Variants in BARD1 observed in about 807,000 individuals in gnomAD.
BARD1 encodes BRCA1 associated RING domain 1, also known as BRCA1-associated RING domain protein 1.
Under a neutral mutation model 77.0 loss-of-function variants are expected in BARD1, and 73 were observed. That is an observed-to-expected ratio of 0.95 (90% CI 0.79 to 1.15). The LOEUF (loss-of-function observed/expected upper bound fraction) is 1.15. Ranked by LOEUF, BARD1 falls within the 50% of genes most tolerant of loss-of-function variation. BARD1 has a pLI of 0.00. For synonymous variants in BARD1, 384 were observed against 338.0 expected (o/e 1.14, Z -1.49); for missense variants, 993 against 938.8 (o/e 1.06, Z -0.75).
At chr2:214,808,815 A>T (rs1424623637) in intron 1 of BARD1, among the ~76,000 whole-genome samples, 5 of 152,270 alleles carry the variant, frequency 3.3e-5, no homozygotes, top group Non-Finnish European at 7.3e-5. Context: ...CGGGGACACC[A>T]GACATACAGT....
chr2:214,769,912 T>A (rs1467802982), intron 4 of BARD1, among the ~76,000 whole-genome samples: 1 of 152,186 alleles, frequency 6.6e-6, no homozygotes, highest in Non-Finnish European at 1.5e-5. Flanking sequence ...ACAATGAAGT[T>A]TTAAAAGCCA....
At chr2:214,786,056 A>G (rs1695261872) in intron 3 of BARD1, among the ~76,000 whole-genome samples, 1 of 151,966 alleles carries the variant, frequency 6.6e-6, no homozygotes, top group South Asian at 2.1e-4. Context: ...GAACCAAAGA[A>G]AACTTTTAAT....
chr2:214,771,691 G>A (rs13416905), intron 4 of BARD1, among the ~76,000 whole-genome samples: 21,054 of 151,016 alleles, frequency 0.14, 1,561 homozygotes, highest in African/African-American at 0.19. Flanking sequence ...TCACACCACT[G>A]CACTCCAGCC....
intron 4 of BARD1, among the ~76,000 whole-genome samples, chr2:214,773,473 C>T (rs1162024221): frequency 6.6e-6 from 1 of 152,142 alleles, no homozygotes. Flanking sequence ...GAATAAAATA[C>T]AGGCATATCT....
chr2:214,771,188 A>G (rs1694467442), intron 4 of BARD1, among the ~76,000 whole-genome samples: 1 of 152,164 alleles, frequency 6.6e-6, no homozygotes, highest in African/African-American at 2.4e-5. Context: ...ACCTAAGTCC[A>G]TGACGATAAA....
chr2:214,793,739 T>C (rs988460534), intron 2 of BARD1, among the ~76,000 whole-genome samples: 2 of 152,156 alleles, frequency 1.3e-5, no homozygotes, highest in African/African-American at 4.8e-5. Flanking sequence ...CAAATTATTT[T>C]ATATACATTA....
intron 9 of BARD1, among the ~76,000 whole-genome samples, chr2:214,736,375 C>T (rs1692565622): frequency 6.6e-6 from 1 of 151,728 alleles, no homozygotes; most frequent in Non-Finnish European, 1.5e-5. Context: ...TTTTATTTTC[C>T]TCATTACGTA....
chr2:214,805,725 G>A (rs776095293), intron 1 of BARD1, among the ~76,000 whole-genome samples: 1 of 151,136 alleles, frequency 6.6e-6, no homozygotes, highest in Non-Finnish European at 1.5e-5. Context: ...AAGTATGAGA[G>A]AATACAAAAT....
At chr2:214,751,117 G>GTGTATATA (rs1486423673) in intron 7 of BARD1, among the ~76,000 whole-genome samples, 17 of 16,274 alleles carry the variant, frequency 1.0e-3, no homozygotes, top group Non-Finnish European at 2.1e-3. Flanking sequence ...GTGTGTGTGT[G>GTGTATATA]TATATATATA....
chr2:214,784,481 G>T (rs1024060464), intron 3 of BARD1, among the ~76,000 whole-genome samples: 2 of 152,078 alleles, frequency 1.3e-5, no homozygotes, highest in African/African-American at 4.8e-5. Context: ...ATTCCTCAAG[G>T]ATCTAGGACC....
At chr2:214,781,780 C>T (rs1459285916) in intron 3 of BARD1, among the ~76,000 whole-genome samples, 2 of 151,952 alleles carry the variant, frequency 1.3e-5, no homozygotes, top group Non-Finnish European at 2.9e-5. Context: ...CCAAAAAAAC[C>T]CATAAAATAC....
intron 1 of BARD1, among the ~76,000 whole-genome samples, chr2:214,808,031 A>G (rs536811754): frequency 6.6e-6 from 1 of 152,352 alleles, no homozygotes; most frequent in East Asian, 1.9e-4. Flanking sequence ...AAGAAGTGCA[A>G]TGTCATTTTG....
At chr2:214,742,520 A>T (rs556693357) in intron 9 of BARD1, among the ~76,000 whole-genome samples, 15 of 152,360 alleles carry the variant, frequency 9.8e-5, no homozygotes, top group Admixed American at 7.8e-4. Flanking sequence ...AAATATGACG[A>T]TATGAACTTC....
In BARD1 at chr2:214,792,397, G is replaced by A. The variant is rs1695564144; in HGVS notation, c.264C>T (p.Thr88=). 1.9e-6 allele frequency: 3 copies of A among 1,611,926 alleles called. No individual in the cohort carries two copies. Among genetic ancestry groups the A allele is most frequent in the Non-Finnish European group, 2.5e-6 (3 of 1,179,398 alleles). Residue 88 remains threonine, a synonymous_variant, in exon 3 of 11, where the codon ACC becomes ACT. Coordinates refer to ENST00000260947, the MANE Select transcript of BARD1 (RefSeq NM_000465.4). ...TCTTCAAGTCTTGTATCCAGGCCGGGGTGTAACACACTGGACATCCAGTTC... is the reference window on the plus strand; with the variant it reads ...TCTTCAAGTCTTGTATCCAGGCCGGAGTGTAACACACTGGACATCCAGTTC... The part of the protein sequence containing the change: ...CIGTGCPVCY[T]PAWIQDLKIN...
intron 2 of BARD1, among the ~76,000 whole-genome samples, chr2:214,795,540 T>C (rs991713418): frequency 6.6e-6 from 1 of 152,018 alleles, no homozygotes; most frequent in Non-Finnish European, 1.5e-5. Context: ...CTGTCAAGAA[T>C]GTAGAAAATG....
At chr2:214,789,647 A>G (rs1342733387) in intron 3 of BARD1, among the ~76,000 whole-genome samples, 1 of 152,168 alleles carries the variant, frequency 6.6e-6, no homozygotes, top group Non-Finnish European at 1.5e-5. Flanking sequence ...CATAATGAAT[A>G]CCTACACTTC....
chr2:214,780,287 T>C (rs933145630), intron 4 of BARD1, among the ~76,000 whole-genome samples: 1 of 152,024 alleles, frequency 6.6e-6, no homozygotes, highest in Non-Finnish European at 1.5e-5. Context: ...GAAGGTAAAA[T>C]AGACAAAAGC....
At chr2:214,771,290 T>C (rs996901788) in intron 4 of BARD1, among the ~76,000 whole-genome samples, 3 of 152,208 alleles carry the variant, frequency 2.0e-5, no homozygotes, top group Admixed American at 1.3e-4. Flanking sequence ...TCAATGAGTT[T>C]CGTGAGTGCT....
intron 4 of BARD1, among the ~76,000 whole-genome samples, chr2:214,772,862 A>G (rs1242984514): frequency 6.6e-6 from 1 of 152,234 alleles, no homozygotes; most frequent in East Asian, 1.9e-4. Flanking sequence ...CAGGAAATAA[A>G]TTAAGTTTTG....
Sources: gnomAD v4.1 joint callset for allele counts (sites outside exome capture counted in the v4.1 genomes callset) on GRCh38, gnomAD v4.1.1 for gene constraint, MANE v1.5 for transcripts, NCBI Gene and HGNC (gene_info 2026-07-23, HGNC 2026-07-21) for gene names.